TMEM178B: variants seen among roughly 807,000 people sequenced by gnomAD.
TMEM178B encodes transmembrane protein 178B.
Under a neutral mutation model 31.0 loss-of-function variants are expected in TMEM178B, and 5 were observed. That is an observed-to-expected ratio of 0.16 (90% CI 0.08 to 0.34). TMEM178B has a LOEUF of 0.34. Among genes scored for constraint, TMEM178B ranks in the 10% least tolerant of loss-of-function variants. The pLI is 1.00. For missense variants in TMEM178B, 275 were observed against 400.3 expected, an observed-to-expected ratio of 0.69 and a Z score of 2.67; for synonymous variants, 164 against 164.0, an observed-to-expected ratio of 1.00 and a Z score of 0.00.
intron 2 of TMEM178B, among the ~76,000 whole-genome samples, chr7:141,339,444 G>C (rs1799479901): frequency 6.6e-6 from 1 of 152,212 alleles, no homozygotes; most frequent in African/African-American, 2.4e-5. Flanking sequence ...CCAGCTACTG[G>C]AGTAAGTGCA....
intron 2 of TMEM178B, among the ~76,000 whole-genome samples, chr7:141,224,024 G>C (rs1797300015): frequency 6.6e-6 from 1 of 152,024 alleles, no homozygotes; most frequent in African/African-American, 2.4e-5. Flanking sequence ...TGAATCATGG[G>C]GGCGGTTTCC....
At chr7:141,104,375 C>T (rs549708526) in intron 1 of TMEM178B, among the ~76,000 whole-genome samples, 3 of 152,320 alleles carry the variant, frequency 2.0e-5, no homozygotes, top group East Asian at 3.9e-4. Flanking sequence ...GATGACACTC[C>T]TCTCCAGGTG....
chr7:141,207,154 A>G (rs1259484948), intron 1 of TMEM178B, among the ~76,000 whole-genome samples: 1 of 152,242 alleles, frequency 6.6e-6, no homozygotes, highest in African/African-American at 2.4e-5. Context: ...GTAGGGATGC[A>G]ATATTGCATA....
intron 1 of TMEM178B, among the ~76,000 whole-genome samples, chr7:141,095,940 G>C (rs759636199): frequency 1.3e-5 from 2 of 152,136 alleles, no homozygotes; most frequent in African/African-American, 2.4e-5. Flanking sequence ...TTCATCACCT[G>C]GTATCCATAG....
At chr7:141,396,490 C>T (rs1800641535) in intron 2 of TMEM178B, among the ~76,000 whole-genome samples, 1 of 151,838 alleles carries the variant, frequency 6.6e-6, no homozygotes, top group East Asian at 1.9e-4. Context: ...ACCTTCAGGG[C>T]TCAACGGGTC....
chr7:141,362,878 A>G (rs1409576936), intron 2 of TMEM178B, among the ~76,000 whole-genome samples: 2 of 152,230 alleles, frequency 1.3e-5, no homozygotes, highest in Non-Finnish European at 2.9e-5. Flanking sequence ...GGGTCAGTGC[A>G]TGTCATCCAG....
Position 141,470,885 on chromosome 7 carries a change from G to C in TMEM178B, c.*99G>C, listed in dbSNP as rs980548461. On this transcript the variant is annotated 3_prime_UTR_variant, in exon 4 of 4. Coordinates refer to ENST00000565468, the MANE Select transcript of TMEM178B (RefSeq NM_001195278.2). ...TAAATCAAGACGATGCCAGTGCCAAGGTAGAGTTGAGTTGGCTCAGGCACC... is the reference window on the plus strand; with the variant it reads ...TAAATCAAGACGATGCCAGTGCCAACGTAGAGTTGAGTTGGCTCAGGCACC... 2.6e-6 allele frequency: 2 copies of C among 760,906 alleles called. No individual in the cohort carries two copies. The highest frequency in any genetic ancestry group is 3.8e-5 in the African/African-American group (2 of 53,056). 47.1% of individuals were successfully genotyped at this position (760,906 alleles called of 1,614,324 possible).
chr7:141,374,566 G>C (rs1800177252), intron 2 of TMEM178B, among the ~76,000 whole-genome samples: 1 of 152,170 alleles, frequency 6.6e-6, no homozygotes, highest in Admixed American at 6.5e-5. Context: ...GAGCCCAGTA[G>C]CACAGCTTAA....
rs553022125 is a variant in TMEM178B, at chr7:141,319,944, T to C, written c.496+107240T>C. Among the ~76,000 whole-genome samples the C allele has an allele frequency of 1.5e-4, 23 of 152,306 alleles. 1 individual carries two copies. Among genetic ancestry groups the C allele is most frequent in the Admixed American group, 1.4e-3 (21 of 15,298 alleles). ...CATAGGATCAGTGTGGTTGATATGA[T>C]ATGGTTTGGCTCTGTGTCCTCACCA... On this transcript the variant is annotated intron_variant, in intron 2 of 3. Transcript: ENST00000565468.
Position 141,468,191 on chromosome 7 carries a change from C to G in TMEM178B, c.635-2345C>G, listed in dbSNP as rs189262490. 6.6e-5 allele frequency among the ~76,000 whole-genome samples: 10 copies of G among 152,234 alleles called. No individual in the cohort carries two copies. The East Asian group carries it at 1.9e-3, about 29-fold the overall frequency. On this transcript the variant is annotated intron_variant, in intron 3 of 3. Transcript: ENST00000565468. The stretch of plus-strand genomic sequence containing the variant: ...AAACTTGTTTCAAATCCTATAGCTC[C>G]AAAGTGTGGTCATTGAGCCAGCAGC...
intron 1 of TMEM178B, among the ~76,000 whole-genome samples, chr7:141,117,983 C>T (rs535534256): frequency 5.9e-5 from 9 of 152,108 alleles, no homozygotes; most frequent in South Asian, 2.1e-4. Flanking sequence ...GTTAAGGGAC[C>T]ATTCTATGGC....
intron 2 of TMEM178B, among the ~76,000 whole-genome samples, chr7:141,238,165 ATCCTGTT>A (rs1350403105): frequency 6.6e-6 from 1 of 152,132 alleles, no homozygotes; most frequent in African/African-American, 2.4e-5. Flanking sequence ...GCGTTAAGAA[ATCCTGTT>A]GCTGTCTCTA....
At chr7:141,212,803 G>A (rs1790083939) in intron 2 of TMEM178B, 99 bp downstream of exon 2, 1 of 950,874 alleles carries the variant, frequency 1.1e-6, no homozygotes, top group Non-Finnish European at 1.6e-6. Flanking sequence ...TCTGTGGATG[G>A]TCTCAGAACA....
chr7:141,369,351 GTGTGTGTA>G (rs1241994327), intron 2 of TMEM178B, among the ~76,000 whole-genome samples: 114 of 146,266 alleles, frequency 7.8e-4, no homozygotes, highest in Middle Eastern at 3.6e-3. Context: ...GTGTGTGTGT[GTGTGTGTA>G]TGTGTGTGTG....
chr7:141,273,399 T>C lies in TMEM178B; in HGVS notation c.496+60695T>C, dbSNP rs935331084. Among the ~76,000 whole-genome samples the C allele has an allele frequency of 6.6e-5, 10 of 152,354 alleles. No individual in the cohort carries two copies. In the South Asian group the frequency reaches 1.7e-3, roughly 25 times the overall value. On this transcript the variant is annotated intron_variant, in intron 2 of 3. Transcript: ENST00000565468. ...ATTATCACATTGTGCCCTTTAAATA[T>C]GTTCCATCTTTATTCATCAATTAAA...
At chr7:141,141,690 C>T (rs1795771099) in intron 1 of TMEM178B, among the ~76,000 whole-genome samples, 1 of 152,112 alleles carries the variant, frequency 6.6e-6, no homozygotes, top group Admixed American at 6.5e-5. Flanking sequence ...GGAAGCAGAA[C>T]TTTCATGACA....
intron 1 of TMEM178B, among the ~76,000 whole-genome samples, chr7:141,187,048 G>A (rs981244388): frequency 1.3e-5 from 2 of 150,742 alleles, no homozygotes; most frequent in Non-Finnish European, 3.0e-5. Flanking sequence ...ACATTAACTC[G>A]TCATTTAGCA....
At chr7:141,313,565 T>C (rs1350332287) in intron 2 of TMEM178B, among the ~76,000 whole-genome samples, 3 of 152,224 alleles carry the variant, frequency 2.0e-5, no homozygotes, top group African/African-American at 7.2e-5. Flanking sequence ...AATGAAGGCA[T>C]TAATTCCTAC....
intron 2 of TMEM178B, among the ~76,000 whole-genome samples, chr7:141,343,809 A>G (rs2116515300): frequency 6.6e-6 from 1 of 152,190 alleles, no homozygotes; most frequent in African/African-American, 2.4e-5. Flanking sequence ...TCGGCCTCCC[A>G]AAGTGCTGGG....
Sources: allele counts gnomAD v4.1 joint callset (sites outside exome capture counted in the v4.1 genomes callset), GRCh38; gene constraint gnomAD v4.1.1; transcripts MANE v1.5; gene names NCBI Gene and HGNC (gene_info 2026-07-23, HGNC 2026-07-21).